NPAS3: variants seen among roughly 807,000 people sequenced by gnomAD.
NPAS3 encodes the protein neuronal PAS domain-containing protein 3.
A neutral mutation model predicts 73.1 loss-of-function variants in NPAS3; 14 were observed. The observed-to-expected ratio is 0.19, with a 90% CI of 0.13 to 0.30. NPAS3 has a LOEUF of 0.30. NPAS3 is among the 10% of genes least tolerant of loss of function. NPAS3 has a pLI of 1.00. For synonymous variants in NPAS3, 620 were observed against 541.5 expected (o/e 1.14, Z -2.01); for missense variants, 1,096 against 1,250.0 (o/e 0.88, Z 1.86).
intron 7 of NPAS3, among the ~76,000 whole-genome samples, chr14:33,755,102 T>C (rs919678584): frequency 1.3e-5 from 2 of 152,204 alleles, no homozygotes; most frequent in African/African-American, 4.8e-5. Context: ...GGGGAACTCA[T>C]TTAGCTTGCC....
At chr14:33,222,522 A>G (rs2047470239) in intron 3 of NPAS3, among the ~76,000 whole-genome samples, 1 of 152,196 alleles carries the variant, frequency 6.6e-6, no homozygotes, top group Non-Finnish European at 1.5e-5. Context: ...CCAGAGCATT[A>G]GTAATTTCTT....
chr14:33,775,178 G>C (rs2062773127), intron 8 of NPAS3, among the ~76,000 whole-genome samples: 1 of 152,126 alleles, frequency 6.6e-6, no homozygotes, highest in Non-Finnish European at 1.5e-5. Context: ...ACAAGGAAAT[G>C]GGACATTGCC....
chr14:33,037,894 T>C (rs1021106642), intron 1 of NPAS3, among the ~76,000 whole-genome samples: 3 of 152,334 alleles, frequency 2.0e-5, no homozygotes, highest in Middle Eastern at 3.4e-3. Context: ...ATTACCCTTA[T>C]AGATTTCTGT....
At chr14:32,977,356 G>GCAAACACACA (rs1555313830) in intron 1 of NPAS3, among the ~76,000 whole-genome samples, 1 of 141,448 alleles carries the variant, frequency 7.1e-6, no homozygotes, top group Non-Finnish European at 1.5e-5. Context: ...TCTCTGACAC[G>GCAAACACACA]CACACACACA....
intron 3 of NPAS3, among the ~76,000 whole-genome samples, chr14:33,281,535 G>A (rs1457999602): frequency 1.3e-5 from 2 of 152,128 alleles, no homozygotes; most frequent in Non-Finnish European, 2.9e-5. Flanking sequence ...GGGAGGCTGA[G>A]GCAGGAGAAT....
At chr14:33,067,572 A>G (rs2041323396) in intron 2 of NPAS3, among the ~76,000 whole-genome samples, 1 of 152,252 alleles carries the variant, frequency 6.6e-6, no homozygotes, top group Admixed American at 6.5e-5. Flanking sequence ...ACAAGCTTGT[A>G]AGCACTCCCA....
intron 2 of NPAS3, among the ~76,000 whole-genome samples, chr14:33,107,427 T>C (rs570215884): frequency 6.6e-6 from 1 of 152,194 alleles, no homozygotes; most frequent in South Asian, 2.1e-4. Context: ...TGTCTAGTAG[T>C]TCCCAGTGTC....
chr14:33,206,035 A>G (rs965894876), intron 2 of NPAS3, among the ~76,000 whole-genome samples: 2 of 152,188 alleles, frequency 1.3e-5, no homozygotes, highest in African/African-American at 2.4e-5. Flanking sequence ...AGGTGTTTAT[A>G]AGCCTGAAAA....
chr14:33,288,679 G>C (rs553432800), intron 3 of NPAS3, among the ~76,000 whole-genome samples: 3 of 151,860 alleles, frequency 2.0e-5, no homozygotes, highest in Admixed American at 6.6e-5. Context: ...AGCAGAATGC[G>C]GGGGAAGAGT....
intron 5 of NPAS3, among the ~76,000 whole-genome samples, chr14:33,617,680 C>A (rs1021231114): frequency 1.3e-5 from 2 of 152,158 alleles, no homozygotes; most frequent in Non-Finnish European, 2.9e-5. Flanking sequence ...AATGAATGGG[C>A]AAAAGCTGTT....
intron 5 of NPAS3, among the ~76,000 whole-genome samples, chr14:33,574,034 G>A (rs182314155): frequency 9.2e-5 from 14 of 152,326 alleles, no homozygotes; most frequent in East Asian, 7.7e-4. Context: ...TGAGAAGCTC[G>A]TGGGACATCT....
chr14:33,043,900 A>G (rs1347381724), intron 1 of NPAS3, among the ~76,000 whole-genome samples: 1 of 152,194 alleles, frequency 6.6e-6, no homozygotes, highest in Non-Finnish European at 1.5e-5. Flanking sequence ...ATCCAAAGGA[A>G]TATCATCCAG....
At chr14:33,237,407 T>A (rs938504484) in intron 3 of NPAS3, among the ~76,000 whole-genome samples, 11 of 152,086 alleles carry the variant, frequency 7.2e-5, no homozygotes, top group Admixed American at 2.6e-4. Context: ...TGAATAATGA[T>A]GTATGTGGAA....
At chr14:32,969,019 C>T (rs2037310445) in intron 1 of NPAS3, among the ~76,000 whole-genome samples, 1 of 152,150 alleles carries the variant, frequency 6.6e-6, no homozygotes, top group Admixed American at 6.5e-5. Context: ...AAAGTGAGAA[C>T]ATGCAGTGTT....
At chr14:33,556,084 CA>C (rs900072661) in intron 4 of NPAS3, among the ~76,000 whole-genome samples, 10 of 151,592 alleles carry the variant, frequency 6.6e-5, no homozygotes, top group East Asian at 1.9e-4. Flanking sequence ...CTGTTTTTGC[CA>C]AAAAAAACTG....
intron 4 of NPAS3, among the ~76,000 whole-genome samples, chr14:33,555,912 G>T (rs2055336854): frequency 6.6e-6 from 1 of 151,908 alleles, no homozygotes; most frequent in African/African-American, 2.4e-5. Flanking sequence ...GTGTGTGTGT[G>T]TGTGTTTCAC....
At position 33,544,825 on chromosome 14, in the gene NPAS3, A is replaced by ATAATATATATATATAAT. The variant is rs2054747723; in HGVS notation, c.469-15294_469-15293insATATATATATATAATTA. On this transcript the variant is annotated intron_variant, in intron 4 of 11. Coordinates refer to ENST00000356141, the Ensembl canonical transcript of NPAS3. ...ATATATATATATGTATATATAATATATATGTGTATATATATATTATATATA... is the reference window on the plus strand; with the variant it reads ...ATATATATATATGTATATATAATATATAATATATATATATAATTATGTGTATATATATATTATATATA... Among the ~76,000 whole-genome samples the ATAATATATATATATAAT allele has an allele frequency of 4.9e-4, 55 of 112,182 alleles. 1 individual carries two copies. Among genetic ancestry groups the ATAATATATATATATAAT allele is most frequent in the African/African-American group, 2.0e-3 (49 of 24,544 alleles). The allele number at this position is 112,182 out of a possible 152,430, so 73.6% of individuals were successfully genotyped here.
chr14:33,209,080 A>G (rs955204185), intron 2 of NPAS3, among the ~76,000 whole-genome samples: 7 of 152,140 alleles, frequency 4.6e-5, no homozygotes, highest in African/African-American at 1.7e-4. Context: ...TCCAGTTTTA[A>G]CTTCCAGCGT....
chr14:33,411,492 TTTTG>T (rs2047926613), intron 4 of NPAS3, among the ~76,000 whole-genome samples: 1 of 152,156 alleles, frequency 6.6e-6, no homozygotes. Context: ...CTGGAGGCAT[TTTTG>T]TTTGTCACAA....
Sources: allele counts gnomAD v4.1 joint callset (sites outside exome capture counted in the v4.1 genomes callset), GRCh38; gene constraint gnomAD v4.1.1; transcripts MANE v1.5; gene names NCBI Gene and HGNC (gene_info 2026-07-23, HGNC 2026-07-21).